CBX6: variants seen among roughly 807,000 people sequenced by gnomAD.
The protein encoded by CBX6 is chromobox protein homolog 6.
In CBX6, 7 loss-of-function variants were observed where a neutral mutation model predicts 28.4. The observed-to-expected ratio is 0.25, with a 90% CI of 0.14 to 0.46. The LOEUF is 0.46. Ranked by LOEUF, CBX6 falls within the 20% of genes least tolerant of loss-of-function variation. The pLI, the probability that CBX6 is intolerant of heterozygous loss-of-function variation, is 0.99. For missense variants in CBX6, 512 were observed against 606.1 expected, an observed-to-expected ratio of 0.84 and a Z score of 1.63; for synonymous variants, 297 against 273.4, an observed-to-expected ratio of 1.09 and a Z score of -0.85.
intron 4 of CBX6, among the ~76,000 whole-genome samples, chr22:38,868,622 G>A (rs1422648477): frequency 1.3e-5 from 2 of 152,138 alleles, no homozygotes; most frequent in East Asian, 1.9e-4. Context: ...CACAAGGGGC[G>A]TGGGTTTTAG....
rs780509720 is a variant in CBX6 at position 38,872,134 on chromosome 22, C to T, written c.57G>A (p.Arg19=). 5 of 1,425,446 alleles carry T rather than the reference C, an allele frequency of 3.5e-6. No individual in the cohort carries two copies. Among genetic ancestry groups the T allele is most frequent in the East Asian group, 7.0e-5 (2 of 28,498 alleles). The allele number at this position is 1,425,446 out of a possible 1,614,324, so 88.3% of individuals were successfully genotyped here. A position where few individuals can be genotyped will look rare whatever the true frequency, so the allele number is the denominator to read the frequency against. The change falls in exon 1 of 5, where the codon CGG becomes CGA. Residue 19 remains arginine, a synonymous_variant. Coordinates refer to ENST00000407418, the MANE Select transcript of CBX6 (RefSeq NM_014292.5). The surrounding 1 kb of genome is among the most constrained non-coding windows in gnomAD (Gnocchi z 5.0). ...GGCGGCGGCTCACCTTTCGGATCCG[C>T]CGTTTGATGATGGATTCGGCCGCGA... ...RVFAAESIIK[R]RIRKGRIEYL... is the part of the protein sequence containing the mutation.
In CBX6 at chr22:38,865,866, C is replaced by T. The variant is rs1188438291; in HGVS notation, c.*343G>A. ...GGCCCCACAGCTGCCAGGTTAGCACCGAGAAATCAGACGCCGCACAGGAGA... is the reference window on the plus strand; with the variant it reads ...GGCCCCACAGCTGCCAGGTTAGCACTGAGAAATCAGACGCCGCACAGGAGA... On this transcript the variant is annotated 3_prime_UTR_variant, in exon 5 of 5. Transcript: ENST00000407418. 9 of 284,334 alleles carry T rather than the reference C, an allele frequency of 3.2e-5. No homozygotes were observed. The highest frequency in any genetic ancestry group is 1.5e-4 in the South Asian group (2 of 13,148). 17.6% of individuals were successfully genotyped at this position (284,334 alleles called of 1,614,324 possible).
At position 38,872,104 on chromosome 22, in the gene CBX6, C is replaced by T; in HGVS notation, c.69+18G>A. 1 of 1,369,380 alleles carries T rather than the reference C, an allele frequency of 7.3e-7. No homozygotes were observed. Among genetic ancestry groups the T allele is most frequent in the Non-Finnish European group, 9.5e-7 (1 of 1,049,000 alleles). 84.8% of individuals were successfully genotyped at this position (1,369,380 alleles called of 1,614,324 possible). ...CCCGGCTGCGGACAGCGGCGGCCCG[C>T]CCCGGGCGGCGGCTCACCTTTCGGA... On this transcript the variant is annotated intron_variant, in intron 1 of 4. Coordinates refer to ENST00000407418, the MANE Select transcript of CBX6 (RefSeq NM_014292.5). This position sits in a 1 kb window ranked among gnomAD's most constrained non-coding sequence, Gnocchi z 5.0.
At position 38,871,325 on chromosome 22, in the gene CBX6, G is replaced by GC. The variant is rs1184184421; in HGVS notation, c.246+154_246+155insG. 1.5e-6 allele frequency: 1 copy of GC among 684,442 alleles called. No individual in the cohort carries two copies. Among genetic ancestry groups the GC allele is most frequent in the African/African-American group, 2.1e-5 (1 of 48,062 alleles). 42.4% of individuals were successfully genotyped at this position (684,442 alleles called of 1,614,324 possible). A position where few individuals can be genotyped will look rare whatever the true frequency, so the allele number is the denominator to read the frequency against. On this transcript the variant is annotated intron_variant, in intron 4 of 4. Coordinates refer to ENST00000407418, the MANE Select transcript of CBX6 (RefSeq NM_014292.5). The surrounding 1 kb of genome is among the most constrained non-coding windows in gnomAD (Gnocchi z 5.6). Reference sequence around the variant, plus strand: ...CTGAGGCCTGCCATCAGGGGCTTCTGGGGGGGCTCACAACCACCCCCTGCC... The same window carrying GC: ...CTGAGGCCTGCCATCAGGGGCTTCTGCGGGGGGCTCACAACCACCCCCTGCC...
Position 38,871,203 on chromosome 22 carries a change from C to T in CBX6, c.246+277G>A. On this transcript the variant is annotated intron_variant, in intron 4 of 4. Coordinates refer to ENST00000407418, the MANE Select transcript of CBX6 (RefSeq NM_014292.5). This position sits in a 1 kb window ranked among gnomAD's most constrained non-coding sequence, Gnocchi z 5.6. Reference sequence around the variant, plus strand: ...GGGCATCCCCCACCTGCCTCAGCCACCCCCTTTCCTGGAGCCCTAAAGGCA... The same window carrying T: ...GGGCATCCCCCACCTGCCTCAGCCATCCCCTTTCCTGGAGCCCTAAAGGCA... The T allele has an allele frequency of 1.8e-6, 1 of 542,474 alleles. No individual in the cohort carries two copies. The highest frequency in any genetic ancestry group is 3.3e-6 in the Non-Finnish European group (1 of 306,502). 33.6% of individuals were successfully genotyped at this position (542,474 alleles called of 1,614,324 possible).
chr22:38,869,087 C>A (rs1410029772), intron 4 of CBX6, among the ~76,000 whole-genome samples: 1 of 152,214 alleles, frequency 6.6e-6, no homozygotes, highest in Non-Finnish European at 1.5e-5. Flanking sequence ...CAGCCCAGCT[C>A]CCAGGGATTG....
chr22:38,869,189 T>C (rs2093176932), intron 4 of CBX6, among the ~76,000 whole-genome samples: 2 of 152,230 alleles, frequency 1.3e-5, no homozygotes, highest in South Asian at 2.1e-4. Flanking sequence ...ATCCCCACAC[T>C]TTCTGACTCT....
chr22:38,863,004 T>C lies in CBX6; in HGVS notation c.*3205A>G, dbSNP rs769356531. 5.3e-5 allele frequency: 8 copies of C among 152,220 alleles called. No individual in the cohort carries two copies. Among genetic ancestry groups the C allele is most frequent in the Non-Finnish European group, 8.8e-5 (6 of 68,036 alleles). The allele number at this position is 152,220 out of a possible 1,614,324, so 9.4% of individuals were successfully genotyped here. A position where few individuals can be genotyped will look rare whatever the true frequency, so the allele number is the denominator to read the frequency against. ...TTGATCATCACCTCTTCCCAGATCA[T>C]AGGAAGGATGAGGCTCATTTTGACC... On this transcript the variant is annotated 3_prime_UTR_variant, in exon 5 of 5. Transcript: ENST00000407418.
At position 38,863,631 on chromosome 22, in the gene CBX6, G is replaced by T. The variant is rs1385231239; in HGVS notation, c.*2578C>A. The stretch of plus-strand genomic sequence containing the variant: ...TGGTGCCTCTTCATGCACCAAGGCT[G>T]GCCCGGGCTGCTCCACTTGGAGCTC... On this transcript the variant is annotated 3_prime_UTR_variant, in exon 5 of 5. Transcript: ENST00000407418. 1.3e-5 allele frequency: 2 copies of T among 152,192 alleles called. No individual in the cohort carries two copies. The highest frequency in any genetic ancestry group is 3.9e-4 in the East Asian group (2 of 5,180). 9.4% of individuals were successfully genotyped at this position (152,192 alleles called of 1,614,324 possible). A position where few individuals can be genotyped will look rare whatever the true frequency, so the allele number is the denominator to read the frequency against.
At position 38,862,566 on chromosome 22, in the gene CBX6, A is replaced by C. The variant is rs527547577; in HGVS notation, c.*3643T>G. The stretch of plus-strand genomic sequence containing the variant: ...AAAAAGAAAGAAAGAAAAAAGAAAA[A>C]CAAAAGAAAAAAGAAAAACCACCAC... On this transcript the variant is annotated 3_prime_UTR_variant, in exon 5 of 5. Coordinates refer to ENST00000407418, the MANE Select transcript of CBX6 (RefSeq NM_014292.5). 3 of 152,162 alleles carry C rather than the reference A, an allele frequency of 2.0e-5. No homozygotes were observed. In the East Asian group the frequency reaches 5.8e-4, roughly 29 times the overall value. 9.4% of individuals were successfully genotyped at this position (152,162 alleles called of 1,614,324 possible).
Position 38,862,001 on chromosome 22 carries a change from C to T in CBX6, c.*4208G>A, listed in dbSNP as rs733106. ...AGGCCTTTGTGTTTTTAAATTAAAA[C>T]CAACAAAAAGAAGTCTCCCTCTCCA... On this transcript the variant is annotated 3_prime_UTR_variant, in exon 5 of 5. Coordinates refer to ENST00000407418, the MANE Select transcript of CBX6 (RefSeq NM_014292.5). The T allele has an allele frequency of 1.3e-5, 2 of 152,220 alleles. No individual in the cohort carries two copies. The highest frequency in any genetic ancestry group is 2.1e-4 in the South Asian group (1 of 4,826). The allele number at this position is 152,220 out of a possible 1,614,324, so 9.4% of individuals were successfully genotyped here.
In CBX6 at chr22:38,866,559, G is replaced by A. The variant is rs1385529214; in HGVS notation, c.889C>T (p.Pro297Ser). ...GGGGCGGATGGGCTCACGGTCTCGGGGAGGAGCTTGGGGGGCGTGTCGTCG... is the reference window on the plus strand; with the variant it reads ...GGGGCGGATGGGCTCACGGTCTCGGAGAGGAGCTTGGGGGGCGTGTCGTCG... ...DPDDTPPKLL[P>S]ETVSPSAPSW... Residue 297 changes from proline to serine, a missense_variant, in exon 5 of 5, where the codon CCC (proline) becomes TCC (serine). Transcript: ENST00000407418. This position sits in a 1 kb window ranked among gnomAD's most constrained non-coding sequence, Gnocchi z 7.5. 6.3e-7 allele frequency: 1 copy of A among 1,578,014 alleles called. No individual in the cohort carries two copies.
At chr22:38,869,852 G>C (rs1275679612) in intron 4 of CBX6, 3 of 152,134 alleles carry the variant, frequency 2.0e-5, no homozygotes, top group African/African-American at 4.8e-5. Context: ...CTATCTCATG[G>C]GCTCCTGTTT....
rs964144091 is a variant in CBX6 at position 38,861,693 on chromosome 22, C to T, written c.*4516G>A. ...GGGCAGGGTGGACTGGGGGACCTGC[C>T]CCCCATGCTGGGGCGGCACCTCCGT... On this transcript the variant is annotated 3_prime_UTR_variant, in exon 5 of 5. Coordinates refer to ENST00000407418, the MANE Select transcript of CBX6 (RefSeq NM_014292.5). The T allele has an allele frequency of 1.6e-4, 25 of 152,124 alleles. No individual in the cohort carries two copies. The highest frequency in any genetic ancestry group is 5.3e-4 in the African/African-American group (22 of 41,420). 9.4% of individuals were successfully genotyped at this position (152,124 alleles called of 1,614,324 possible).
rs750838790 is a variant in CBX6 at position 38,866,410 on chromosome 22, G to A, written c.1038C>T (p.Pro346=). The A allele has an allele frequency of 3.1e-6, 5 of 1,611,990 alleles. No individual in the cohort carries two copies. Among genetic ancestry groups the A allele is most frequent in the East Asian group, 2.2e-5 (1 of 44,862 alleles). ...AGPAPPTAPE[P]AGASSEPEAG... is the part of the protein sequence containing the mutation. ...CCTCGGGCTCGGAGGAGGCACCGGC[G>A]GGCTCAGGGGCCGTGGGAGGTGCCG... Residue 346 remains proline, a synonymous_variant, in exon 5 of 5, where the codon CCC becomes CCT. Coordinates refer to ENST00000407418, the MANE Select transcript of CBX6 (RefSeq NM_014292.5). This position sits in a 1 kb window ranked among gnomAD's most constrained non-coding sequence, Gnocchi z 7.5.
Position 38,863,038 on chromosome 22 carries a change from T to C in CBX6, c.*3171A>G, listed in dbSNP as rs1198809623. On this transcript the variant is annotated 3_prime_UTR_variant, in exon 5 of 5. Coordinates refer to ENST00000407418, the MANE Select transcript of CBX6 (RefSeq NM_014292.5). ...TGAGGCTCATTTTGACCTTGACCCCTTTGCAGGGTGAGAACAAAGAGGGGT... is the reference window on the plus strand; with the variant it reads ...TGAGGCTCATTTTGACCTTGACCCCCTTGCAGGGTGAGAACAAAGAGGGGT... The C allele has an allele frequency of 6.6e-6, 1 of 152,210 alleles. No individual in the cohort carries two copies. The highest frequency in any genetic ancestry group is 2.4e-5 in the African/African-American group (1 of 41,438). 9.4% of individuals were successfully genotyped at this position (152,210 alleles called of 1,614,324 possible). A position where few individuals can be genotyped will look rare whatever the true frequency, so the allele number is the denominator to read the frequency against.
rs1273379052 is a variant in CBX6, at chr22:38,862,964, A to T, written c.*3245T>A. 1 of 152,242 alleles carries T rather than the reference A, an allele frequency of 6.6e-6. No homozygotes were observed. Among genetic ancestry groups the T allele is most frequent in the Non-Finnish European group, 1.5e-5 (1 of 68,050 alleles). The allele number at this position is 152,242 out of a possible 1,614,324, so 9.4% of individuals were successfully genotyped here. A position where few individuals can be genotyped will look rare whatever the true frequency, so the allele number is the denominator to read the frequency against. On this transcript the variant is annotated 3_prime_UTR_variant, in exon 5 of 5. Transcript: ENST00000407418. ...ATCCCCCCAACTCTGTCCACCTCAC[A>T]CTGAAGTTGGGGACTTGATCATCAC...
chr22:38,868,403 C>G (rs2093175365), intron 4 of CBX6, among the ~76,000 whole-genome samples: 1 of 152,210 alleles, frequency 6.6e-6, no homozygotes, highest in East Asian at 1.9e-4. Flanking sequence ...AAGCCCGGCC[C>G]TGACACCTAA....
rs2093164125 is a variant in CBX6, at chr22:38,864,217, CTATT to C, written c.*1988_*1991del. 1 of 142,280 alleles carries C rather than the reference CTATT, an allele frequency of 7.0e-6. No homozygotes were observed. Among genetic ancestry groups the C allele is most frequent in the Non-Finnish European group, 1.5e-5 (1 of 64,876 alleles). 8.8% of individuals were successfully genotyped at this position (142,280 alleles called of 1,614,324 possible). A position where few individuals can be genotyped will look rare whatever the true frequency, so the allele number is the denominator to read the frequency against. ...CATAGGAATCCCACAATATTTTTTT[CTATT>C]TCTTTTTTTTTTCCTCTTTTTTTGT... On this transcript the variant is annotated 3_prime_UTR_variant, in exon 5 of 5. Transcript: ENST00000407418.
Sources: gnomAD v4.1 joint callset for allele counts (sites outside exome capture counted in the v4.1 genomes callset) on GRCh38, gnomAD v4.1.1 for gene constraint, Gnocchi (gnomAD v3.1) non-coding constraint, MANE v1.5 for transcripts, NCBI Gene and HGNC (gene_info 2026-07-23, HGNC 2026-07-21) for gene names.